MYH10: variants seen among roughly 807,000 people sequenced by gnomAD.
MYH10 encodes myosin heavy chain 10.
Under a neutral mutation model 257.8 loss-of-function variants are expected in MYH10, and 55 were observed. The observed-to-expected ratio is 0.21, with a 90% CI of 0.17 to 0.27. The LOEUF (loss-of-function observed/expected upper bound fraction) is 0.27, where lower values mean the gene tolerates loss of function less well. MYH10 is among the 10% of genes least tolerant of loss of function. The pLI, the probability that MYH10 is intolerant of heterozygous loss-of-function variation, is 1.00. For synonymous variants in MYH10, 854 were observed against 921.7 expected (o/e 0.93, Z 1.33); for missense variants, 1,631 against 2,500.6 (o/e 0.65, Z 7.42).
chr17:8,576,829 T>C (rs141150405), intron 5 of MYH10, among the ~76,000 whole-genome samples, 157 bp from the exon 6 acceptor site: 140 of 152,336 alleles, frequency 9.2e-4, no homozygotes, highest in Admixed American at 1.4e-3. Context: ...CACTTCTGCA[T>C]GTCTAAAAAT....
rs775655602 is a variant in MYH10, at chr17:8,492,992, G to A, written c.4242C>T (p.Asp1414=). Reference sequence around the variant, plus strand: ...CTTCCAGACTTTCAATTGTTCCCAGGTCGTCATCTACTTTCTTCTTGGTAT... The same window carrying A: ...CTTCCAGACTTTCAATTGTTCCCAGATCGTCATCTACTTTCTTCTTGGTAT... ...LADTKKKVDD[D]LGTIESLEEA... Residue 1414 remains aspartate (D), a synonymous_variant, in exon 33 of 43, where the codon GAC becomes GAT. Coordinates refer to ENST00000360416, the MANE Select transcript of MYH10 (RefSeq NM_001256012.3). 19 of 1,613,840 alleles carry A rather than the reference G, an allele frequency of 1.2e-5. No individual in the cohort carries two copies. The highest frequency in any genetic ancestry group is 1.4e-5 in the Non-Finnish European group (17 of 1,180,000).
At chr17:8,592,020 T>C (rs2084163018) in intron 3 of MYH10, among the ~76,000 whole-genome samples, 1 of 152,164 alleles carries the variant, frequency 6.6e-6, no homozygotes. Context: ...TCTAAAACCC[T>C]ATACATGTAA....
intron 17 of MYH10, among the ~76,000 whole-genome samples, chr17:8,529,185 C>T (rs1020785632): frequency 1.3e-5 from 2 of 151,970 alleles, no homozygotes; most frequent in African/African-American, 2.4e-5. Flanking sequence ...GAATGGAAGG[C>T]GAAGCTGCTG....
intron 25 of MYH10, 51 bp downstream of exon 25, chr17:8,509,761 A>G (rs757386769): frequency 6.5e-7 from 1 of 1,530,402 alleles, no homozygotes; most frequent in South Asian, 1.2e-5. Context: ...ATAATATTAT[A>G]TAAATATTTT....
chr17:8,568,140 C>T (rs955778648), intron 7 of MYH10, among the ~76,000 whole-genome samples: 2 of 152,148 alleles, frequency 1.3e-5, no homozygotes, highest in South Asian at 4.1e-4. Context: ...ACCTGCTTTT[C>T]CTCCCACCAA....
rs565644779 is a variant in MYH10 at position 8,499,771 on chromosome 17, T to C, written c.3745-295A>G. ...CTGTCTGCAGAGTCATCACTCACACTGTCCTCTGTATAAAAAAGTGTTGTT... is the reference window on the plus strand; with the variant it reads ...CTGTCTGCAGAGTCATCACTCACACCGTCCTCTGTATAAAAAAGTGTTGTT... On this transcript the variant is annotated intron_variant, in intron 29 of 42. Coordinates refer to ENST00000360416, the MANE Select transcript of MYH10 (RefSeq NM_001256012.3). 1.8e-3 allele frequency among the ~76,000 whole-genome samples: 277 copies of C among 152,346 alleles called. 4 individuals are homozygous for C. Among genetic ancestry groups the C allele is most frequent in the African/African-American group, 6.5e-3 (271 of 41,568 alleles).
intron 14 of MYH10, among the ~76,000 whole-genome samples, chr17:8,541,269 G>A (rs1234399557): frequency 6.6e-6 from 1 of 152,226 alleles, no homozygotes; most frequent in Non-Finnish European, 1.5e-5. Flanking sequence ...TTCAAAGCCT[G>A]CTGCACCTCC....
At chr17:8,523,572 C>A (rs116037201) in intron 17 of MYH10, among the ~76,000 whole-genome samples, 1 of 152,030 alleles carries the variant, frequency 6.6e-6, no homozygotes, top group African/African-American at 2.4e-5. Context: ...AAGGCCAGCA[C>A]GGAGGAGGAG....
At position 8,504,911 on chromosome 17, in the gene MYH10, T is replaced by TA. The variant is rs765127064; in HGVS notation, c.3387-6dup. 1.6e-5 allele frequency: 26 copies of TA among 1,613,398 alleles called. No homozygotes were observed. In the South Asian group the frequency reaches 2.6e-4, roughly 16 times the overall value. On this transcript the variant is annotated splice_polypyrimidine_tract_variant and splice_region_variant and intron_variant, in intron 27 of 42. Coordinates refer to ENST00000360416, the MANE Select transcript of MYH10 (RefSeq NM_001256012.3). The surrounding 1 kb of genome is among the most constrained non-coding windows in gnomAD (Gnocchi z 5.6). The stretch of plus-strand genomic sequence containing the variant: ...TGGAGTGTTTCATCATCACCTCTGT[T>TA]AAAACACCCAGGCGCAAGAGGCACT...
chr17:8,574,290 A>G (rs1029718142), intron 6 of MYH10, among the ~76,000 whole-genome samples: 4 of 152,220 alleles, frequency 2.6e-5, no homozygotes, highest in African/African-American at 9.6e-5. Flanking sequence ...GGAGGACCAC[A>G]TATTATATGA....
intron 36 of MYH10, among the ~76,000 whole-genome samples, chr17:8,487,022 C>A (rs367960483): frequency 6.6e-6 from 1 of 152,318 alleles, no homozygotes; most frequent in African/African-American, 2.4e-5. Context: ...ACCATGAACT[C>A]TTGCAGAGAT....
Position 8,545,774 on chromosome 17 carries a change from G to A in MYH10, c.1279-174C>T, listed in dbSNP as rs1417471714. On this transcript the variant is annotated intron_variant, in intron 12 of 42. Coordinates refer to ENST00000360416, the MANE Select transcript of MYH10 (RefSeq NM_001256012.3). This position sits in a 1 kb window ranked among gnomAD's most constrained non-coding sequence, Gnocchi z 4.7. ...GAAGGCAATATTAGAAGAATTAAATGAACACAGGGAATAACGAATTTGGGG... is the reference window on the plus strand; with the variant it reads ...GAAGGCAATATTAGAAGAATTAAATAAACACAGGGAATAACGAATTTGGGG... Among the ~76,000 whole-genome samples, 1 of 152,140 alleles carries A rather than the reference G, an allele frequency of 6.6e-6. No homozygotes were observed. The highest frequency in any genetic ancestry group is 1.5e-5 in the Non-Finnish European group (1 of 68,028).
At chr17:8,481,212 G>A (rs988178837) in intron 38 of MYH10, 110 bp downstream of exon 38, 19 of 1,071,758 alleles carry the variant, frequency 1.8e-5, no homozygotes, top group South Asian at 4.2e-5. Context: ...CAGGCCCAGC[G>A]AGGGAGGAGC....
At chr17:8,532,500 C>T (rs113924701) in intron 16 of MYH10, among the ~76,000 whole-genome samples, 149 of 152,300 alleles carry the variant, frequency 9.8e-4, no homozygotes, top group African/African-American at 3.2e-3. Context: ...CAGACAGGGT[C>T]CTACCTGTAA....
intron 34 of MYH10, among the ~76,000 whole-genome samples, chr17:8,491,480 TTA>T (rs1915769076): frequency 6.6e-6 from 1 of 152,214 alleles, no homozygotes; most frequent in Admixed American, 6.5e-5. Context: ...CTTCGCTGAC[TTA>T]TGATGTGGCC....
chr17:8,477,200 A>G lies in MYH10; in HGVS notation c.5707-152T>C. On this transcript the variant is annotated intron_variant, in intron 41 of 42. Transcript: ENST00000360416. The surrounding 1 kb of genome is among the most constrained non-coding windows in gnomAD (Gnocchi z 4.2). ...ACACGCGTGCCTGGGGGCTGGTCGG[A>G]GGCTCTGTAACCGGCCTGCCGCTCT... 1 of 798,652 alleles carries G rather than the reference A, an allele frequency of 1.3e-6. No individual in the cohort carries two copies. The highest frequency in any genetic ancestry group is 1.9e-6 in the Non-Finnish European group (1 of 522,658). The allele number at this position is 798,652 out of a possible 1,614,324, so 49.5% of individuals were successfully genotyped here. A position where few individuals can be genotyped will look rare whatever the true frequency, so the allele number is the denominator to read the frequency against.
At chr17:8,607,155 C>A (rs1693175124) in intron 2 of MYH10, among the ~76,000 whole-genome samples, 1 of 152,100 alleles carries the variant, frequency 6.6e-6, no homozygotes, top group Non-Finnish European at 1.5e-5. Context: ...TTTTGTACAA[C>A]CACCCTCACT....
At chr17:8,492,631 C>CTTTTTTTT in intron 33 of MYH10, 122 bp from the exon 34 acceptor site, 1 of 949,300 alleles carries the variant, frequency 1.1e-6, no homozygotes, top group Non-Finnish European at 1.5e-6. Context: ...CTTGTATTTC[C>CTTTTTTTT]TTTTTTTTTT....
intron 9 of MYH10, among the ~76,000 whole-genome samples, chr17:8,550,557 G>A (rs986895816): frequency 4.6e-5 from 7 of 152,074 alleles, no homozygotes; most frequent in African/African-American, 1.7e-4. Context: ...CCCTGCCCGG[G>A]AGGTGAGGGG....
Sources: allele counts gnomAD v4.1 joint callset (sites outside exome capture counted in the v4.1 genomes callset), GRCh38; gene constraint gnomAD v4.1.1; non-coding constraint Gnocchi (gnomAD v3.1); transcripts MANE v1.5; gene names NCBI Gene and HGNC (gene_info 2026-07-23, HGNC 2026-07-21).